The following EZR variants were observed in gnomAD, a reference collection of about 807,000 sequenced individuals.
The protein encoded by EZR is cytovillin 2.
A neutral mutation model predicts 74.8 loss-of-function variants in EZR; 40 were observed. That is an observed-to-expected ratio of 0.53 (90% CI 0.42 to 0.70). The LOEUF (loss-of-function observed/expected upper bound fraction) is 0.70, where lower values mean the gene tolerates loss of function less well. EZR is among the 30% of genes least tolerant of loss of function. The probability of loss-of-function intolerance (pLI) is 0.00; values close to 1 mark genes in which losing one functional copy is unlikely to be tolerated. For synonymous variants in EZR, 341 were observed against 283.3 expected, an observed-to-expected ratio of 1.20 and a Z score of -2.05; for missense variants, 678 against 755.8, an observed-to-expected ratio of 0.90 and a Z score of 1.21.
intron 7 of EZR, among the ~76,000 whole-genome samples, chr6:158,777,059 G>A (rs920863546): frequency 2.0e-5 from 3 of 152,182 alleles, no homozygotes; most frequent in Non-Finnish European, 1.5e-5. Context: ...GTTCCCCAGG[G>A]CTGCCTCCCT....
In EZR at chr6:158,766,232, A is replaced by T. The variant is rs1346004263; in HGVS notation, c.*682T>A. On this transcript the variant is annotated 3_prime_UTR_variant, in exon 14 of 14. Transcript: ENST00000367075. ...GTTACAAATCTGTATTATCACTTGTATATAAATAGTATATAGCTGATCATT... is the reference window on the plus strand; with the variant it reads ...GTTACAAATCTGTATTATCACTTGTTTATAAATAGTATATAGCTGATCATT... 1 of 152,422 alleles carries T rather than the reference A, an allele frequency of 6.6e-6. No homozygotes were observed. The highest frequency in any genetic ancestry group is 2.4e-5 in the African/African-American group (1 of 41,388). 9.4% of individuals were successfully genotyped at this position (152,422 alleles called of 1,614,324 possible).
intron 2 of EZR, among the ~76,000 whole-genome samples, chr6:158,815,020 A>C (rs527580879): frequency 2.6e-5 from 4 of 152,336 alleles, no homozygotes; most frequent in Non-Finnish European, 5.9e-5. Context: ...AATCAGGTGG[A>C]AGGCCAACTA....
At position 158,783,780 on chromosome 6, in the gene EZR, T is replaced by C; in HGVS notation, c.552-114A>G. ...GCCTTGTGTAGGATGGGCTCAATGC[T>C]GTGTGCTGCGTGCAGGCAGGCAGGG... On this transcript the variant is annotated intron_variant, in intron 6 of 13. Coordinates refer to ENST00000367075, the MANE Select transcript of EZR (RefSeq NM_001111077.2). 6 of 1,174,494 alleles carry C rather than the reference T, an allele frequency of 5.1e-6. No individual in the cohort carries two copies. The South Asian group carries it at 5.9e-5, about 12-fold the overall frequency. 72.8% of individuals were successfully genotyped at this position (1,174,494 alleles called of 1,614,324 possible).
rs762894218 is a variant in EZR at position 158,795,152 on chromosome 6, TGAG to T, written c.13-5784_13-5782del. ...CTGTAATCCCAGCTACTCAGGAGGC[TGAG>T]GAGAGAGAATCGCTTGAACCTGGGA... is the stretch of plus-strand genomic sequence containing the variant. On this transcript the variant is annotated intron_variant, in intron 2 of 13. Transcript: ENST00000367075. Among the ~76,000 whole-genome samples, 12 of 152,174 alleles carry T rather than the reference TGAG, an allele frequency of 7.9e-5. No individual in the cohort carries two copies. The East Asian group carries it at 1.9e-3, about 24-fold the overall frequency.
chr6:158,818,139 C>CCAG lies in EZR; in HGVS notation c.-49_-47dup. On this transcript the variant is annotated 5_prime_UTR_variant, in exon 2 of 14. Coordinates refer to ENST00000367075, the MANE Select transcript of EZR (RefSeq NM_001111077.2). ...CCTCGATCCCCGAAAACACGACTATCCAGCAGCAGCGAAGACGCTGTCCCA... is the reference window on the plus strand; with the variant it reads ...CCTCGATCCCCGAAAACACGACTATCCAGCAGCAGCAGCGAAGACGCTGTCCCA... 6.2e-7 allele frequency: 1 copy of CCAG among 1,604,232 alleles called. No individual in the cohort carries two copies. Among genetic ancestry groups the CCAG allele is most frequent in the Non-Finnish European group, 8.5e-7 (1 of 1,173,462 alleles).
At chr6:158,816,638 T>C (rs1777561864) in intron 2 of EZR, among the ~76,000 whole-genome samples, 1 of 152,226 alleles carries the variant, frequency 6.6e-6, no homozygotes, top group Admixed American at 6.5e-5. Flanking sequence ...AAAAATTTTG[T>C]ATAGAAAATA....
At chr6:158,816,232 T>C (rs939760581) in intron 2 of EZR, among the ~76,000 whole-genome samples, 3 of 152,236 alleles carry the variant, frequency 2.0e-5, no homozygotes, top group Non-Finnish European at 4.4e-5. Flanking sequence ...GATAAAGTTC[T>C]GGAGATGGAC....
At chr6:158,785,245 A>G (rs965578762) in intron 5 of EZR, 64 bp downstream of exon 5, 2 of 1,587,284 alleles carry the variant, frequency 1.3e-6, no homozygotes, top group African/African-American at 2.7e-5. Flanking sequence ...TTCTAAGGCA[A>G]TCACTTCTCC....
chr6:158,801,374 C>A (rs1193142563), intron 2 of EZR, among the ~76,000 whole-genome samples: 7 of 152,080 alleles, frequency 4.6e-5, no homozygotes, highest in Admixed American at 4.6e-4. Flanking sequence ...GGCATGAGAA[C>A]CCTGTCTCCA....
chr6:158,800,629 C>T (rs147838751), intron 2 of EZR, among the ~76,000 whole-genome samples: 2 of 152,230 alleles, frequency 1.3e-5, no homozygotes, highest in African/African-American at 4.8e-5. Flanking sequence ...GGCGAAACCC[C>T]ATCTCCACTA....
intron 8 of EZR, among the ~76,000 whole-genome samples, chr6:158,774,749 G>T (rs3102972): frequency 0.52 from 78,544 of 150,092 alleles, 21,452 homozygotes; most frequent in Non-Finnish European, 0.61. Flanking sequence ...GTCCAGAGCT[G>T]CTGCTCTAGT....
chr6:158,785,638 T>TC (rs1322988794), intron 4 of EZR, 55 bp from the exon 5 acceptor site: 4 of 1,594,790 alleles, frequency 2.5e-6, no homozygotes, highest in Non-Finnish European at 3.4e-6. Context: ...AGGCCCACTG[T>TC]CCCCAACACA....
intron 7 of EZR, among the ~76,000 whole-genome samples, chr6:158,781,658 G>C (rs1310010316): frequency 6.6e-6 from 1 of 152,190 alleles, no homozygotes; most frequent in Admixed American, 6.5e-5. Context: ...TTCCCACGAG[G>C]ACTTTGTGCA....
At chr6:158,785,673 G>T in intron 4 of EZR, 90 bp from the exon 5 acceptor site, 2 of 1,470,148 alleles carry the variant, frequency 1.4e-6, no homozygotes, top group Non-Finnish European at 1.9e-6. Context: ...ACTCAATGGG[G>T]CCCTCAAGCC....
intron 7 of EZR, among the ~76,000 whole-genome samples, chr6:158,779,527 T>A (rs150803177): frequency 6.6e-6 from 1 of 152,150 alleles, no homozygotes; most frequent in Non-Finnish European, 1.5e-5. Context: ...TGGGAATTAT[T>A]TGTACTATTT....
intron 7 of EZR, among the ~76,000 whole-genome samples, chr6:158,781,460 C>T (rs1791429933): frequency 6.6e-6 from 1 of 152,172 alleles, no homozygotes; most frequent in Non-Finnish European, 1.5e-5. Flanking sequence ...GCACACAGCT[C>T]ACGTTTTTAC....
intron 2 of EZR, among the ~76,000 whole-genome samples, chr6:158,793,744 TG>T (rs1791802650): frequency 6.6e-6 from 1 of 152,124 alleles, no homozygotes; most frequent in African/African-American, 2.4e-5. Flanking sequence ...AAATGCTCTA[TG>T]GGGAAAAGGG....
At chr6:158,767,557 T>A (rs1255060867) in intron 12 of EZR, 45 bp from the exon 13 acceptor site, 1 of 1,532,924 alleles carries the variant, frequency 6.5e-7, no homozygotes, top group South Asian at 1.3e-5. Context: ...CCAGAAGTCC[T>A]ATCCTCCTGG....
intron 2 of EZR, among the ~76,000 whole-genome samples, chr6:158,807,816 C>T (rs959404101): frequency 4.6e-5 from 7 of 152,132 alleles, no homozygotes; most frequent in Non-Finnish European, 1.0e-4. Flanking sequence ...AGGCACGGCT[C>T]CCTTTACAAC....
Sources: allele counts gnomAD v4.1 joint callset (sites outside exome capture counted in the v4.1 genomes callset), GRCh38; gene constraint gnomAD v4.1.1; transcripts MANE v1.5; gene names NCBI Gene and HGNC (gene_info 2026-07-23, HGNC 2026-07-21).